Variants in LRIG1 observed in about 807,000 individuals in gnomAD.
The protein encoded by LRIG1 is leucine rich repeats and immunoglobulin like domains 1.
In LRIG1, 48 loss-of-function variants were observed where a neutral mutation model predicts 99.2. That is an observed-to-expected ratio of 0.48 (90% CI 0.38 to 0.62). LRIG1 has a LOEUF of 0.62. LRIG1 is among the 20% of genes least tolerant of loss of function. The pLI is 0.00. For missense variants in LRIG1, 1,646 were observed against 1,434.4 expected (o/e 1.15, Z -2.38); for synonymous variants, 772 against 596.1 (o/e 1.29, Z -4.30).
chr3:66,500,411 G>A lies in LRIG1; in HGVS notation c.-4C>T. The A allele has an allele frequency of 1.4e-6, 2 of 1,386,144 alleles. No homozygotes were observed. Among genetic ancestry groups the A allele is most frequent in the Non-Finnish European group, 1.9e-6 (2 of 1,077,646 alleles). 85.9% of individuals were successfully genotyped at this position (1,386,144 alleles called of 1,614,324 possible). On this transcript the variant is annotated 5_prime_UTR_variant, in exon 1 of 19. Transcript: ENST00000273261. Reference sequence around the variant, plus strand: ...CTCCCCGGACCGGCCGCGCCATCTTGTCTGGAGCGCGCTGCGAACTCCGGG... The same window carrying A: ...CTCCCCGGACCGGCCGCGCCATCTTATCTGGAGCGCGCTGCGAACTCCGGG...
chr3:66,458,001 C>T (rs1005509621), intron 2 of LRIG1, among the ~76,000 whole-genome samples: 17 of 152,220 alleles, frequency 1.1e-4, no homozygotes, highest in Non-Finnish European at 2.1e-4. Flanking sequence ...GTAGTGCAGC[C>T]GCCAAGGTTA....
At chr3:66,416,952 A>G (rs1702633224) in intron 4 of LRIG1, among the ~76,000 whole-genome samples, 177 bp downstream of exon 4, 1 of 152,320 alleles carries the variant, frequency 6.6e-6, no homozygotes, top group Non-Finnish European at 1.5e-5. Context: ...TGCTCTATGC[A>G]TGGGGCTCGC....
chr3:66,463,165 G>A (rs1700395614), intron 1 of LRIG1, among the ~76,000 whole-genome samples: 1 of 152,102 alleles, frequency 6.6e-6, no homozygotes, highest in South Asian at 2.1e-4. Flanking sequence ...AGGATTCAGA[G>A]GTTGAAAAAC....
At chr3:66,497,856 T>C (rs1156607640) in intron 1 of LRIG1, among the ~76,000 whole-genome samples, 1 of 152,148 alleles carries the variant, frequency 6.6e-6, no homozygotes, top group East Asian at 1.9e-4. Context: ...ACCGTGGGCT[T>C]AGAGCGTGTA....
intron 3 of LRIG1, among the ~76,000 whole-genome samples, chr3:66,427,344 A>G (rs576610678): frequency 6.6e-6 from 1 of 152,222 alleles, no homozygotes. Flanking sequence ...AATCCACACA[A>G]TGTGAGACTA....
At chr3:66,425,976 T>C (rs962477874) in intron 3 of LRIG1, among the ~76,000 whole-genome samples, 32 of 152,352 alleles carry the variant, frequency 2.1e-4, no homozygotes, top group African/African-American at 5.8e-4. Flanking sequence ...AAACTTTTTC[T>C]CATAAGTGAT....
chr3:66,438,936 G>A (rs374953724), intron 3 of LRIG1, among the ~76,000 whole-genome samples: 7 of 152,358 alleles, frequency 4.6e-5, no homozygotes, highest in African/African-American at 1.7e-4. Flanking sequence ...TTCCTTTGAT[G>A]ACGTATTGAA....
intron 9 of LRIG1, among the ~76,000 whole-genome samples, chr3:66,400,804 G>A (rs565507882): frequency 5.9e-5 from 9 of 152,272 alleles, no homozygotes; most frequent in African/African-American, 1.2e-4. Context: ...CCCACCACAC[G>A]GGCCGCTGCT....
At chr3:66,493,072 G>GTCCTCCC (rs59797188) in intron 1 of LRIG1, among the ~76,000 whole-genome samples, 6 of 152,070 alleles carry the variant, frequency 3.9e-5, no homozygotes, top group African/African-American at 9.7e-5. Context: ...ATTGTCTCCT[G>GTCCTCCC]TCCTCCCTCC....
At chr3:66,391,561 A>T (rs953673753) in intron 12 of LRIG1, among the ~76,000 whole-genome samples, 1 of 152,232 alleles carries the variant, frequency 6.6e-6, no homozygotes, top group African/African-American at 2.4e-5. Context: ...TTAAATGCCC[A>T]GAATAGGCAA....
chr3:66,444,163 C>G (rs988458835), intron 3 of LRIG1, among the ~76,000 whole-genome samples: 1 of 152,308 alleles, frequency 6.6e-6, no homozygotes, highest in African/African-American at 2.4e-5. Flanking sequence ...CAGCACCCAC[C>G]GGCTGAGAGA....
In LRIG1 at chr3:66,425,150, C is replaced by A. The variant is rs188925576; in HGVS notation, c.366-7884G>T. ...CACACAGCTGGGAAGCAAGAGGAGC[C>A]GGGATGCAAGCCCAGGGAAGCATGA... On this transcript the variant is annotated intron_variant, in intron 3 of 18. Coordinates refer to ENST00000273261, the MANE Select transcript of LRIG1 (RefSeq NM_015541.3). Among the ~76,000 whole-genome samples, 86 of 152,302 alleles carry A rather than the reference C, an allele frequency of 5.6e-4. 1 individual carries two copies. The highest frequency in any genetic ancestry group is 2.2e-3 in the Admixed American group (34 of 15,308).
intron 14 of LRIG1, 116 bp from the exon 15 acceptor site, chr3:66,383,517 G>T: frequency 1.1e-6 from 1 of 930,228 alleles, no homozygotes. Context: ...CTGAGATTCT[G>T]TCTCAGAGTG....
intron 1 of LRIG1, among the ~76,000 whole-genome samples, chr3:66,474,140 C>G (rs531675399): frequency 6.6e-6 from 1 of 152,186 alleles, no homozygotes; most frequent in Admixed American, 6.5e-5. Flanking sequence ...AAACATGGAA[C>G]TTCCTTTTCA....
At chr3:66,400,846 C>T (rs1180122104) in intron 9 of LRIG1, among the ~76,000 whole-genome samples, 1 of 152,116 alleles carries the variant, frequency 6.6e-6, no homozygotes, top group Non-Finnish European at 1.5e-5. Context: ...TCCTGGGAAC[C>T]GCTTGGGCAG....
intron 1 of LRIG1, among the ~76,000 whole-genome samples, chr3:66,472,300 T>C (rs529850963): frequency 4.1e-5 from 2 of 49,332 alleles, no homozygotes; most frequent in East Asian, 1.2e-3. Flanking sequence ...CAAGACTCTG[T>C]CTCAAAAAAA....
chr3:66,389,681 C>T (rs1701539881), intron 12 of LRIG1, among the ~76,000 whole-genome samples: 1 of 152,042 alleles, frequency 6.6e-6, no homozygotes, highest in Non-Finnish European at 1.5e-5. Context: ...TAAAATCTGA[C>T]CAGATTAAAG....
chr3:66,481,942 T>C (rs781004020), intron 1 of LRIG1, among the ~76,000 whole-genome samples: 3 of 152,258 alleles, frequency 2.0e-5, no homozygotes, highest in African/African-American at 4.8e-5. Context: ...TTGTTTATGC[T>C]CCAAGTAGGT....
intron 3 of LRIG1, among the ~76,000 whole-genome samples, chr3:66,419,038 T>C (rs13081052): frequency 0.73 from 110,947 of 152,126 alleles, 42,154 homozygotes; most frequent in Non-Finnish European, 0.85. Flanking sequence ...ATGTAAAGTA[T>C]GGGAAGAAAA....
Sources: allele counts gnomAD v4.1 joint callset (sites outside exome capture counted in the v4.1 genomes callset), GRCh38; gene constraint gnomAD v4.1.1; transcripts MANE v1.5; gene names NCBI Gene and HGNC (gene_info 2026-07-23, HGNC 2026-07-21).